Variants in HDAC4 observed in about 807,000 individuals in gnomAD.
The protein encoded by HDAC4 is histone deacetylase A.
Under a neutral mutation model 135.1 loss-of-function variants are expected in HDAC4, and 16 were observed. That is an observed-to-expected ratio of 0.12 (90% CI 0.08 to 0.18). HDAC4 has a LOEUF of 0.18. Among genes scored for constraint, HDAC4 ranks in the 10% least tolerant of loss-of-function variants. The probability of loss-of-function intolerance (pLI) is 1.00; values close to 1 mark genes in which losing one functional copy is unlikely to be tolerated. For synonymous variants in HDAC4, 685 were observed against 653.4 expected (o/e 1.05, Z -0.74); for missense variants, 1,143 against 1,511.8 (o/e 0.76, Z 4.05).
intron 3 of HDAC4, among the ~76,000 whole-genome samples, chr2:239,199,989 C>T (rs1379054866): frequency 6.6e-6 from 1 of 152,154 alleles, no homozygotes; most frequent in Non-Finnish European, 1.5e-5. Flanking sequence ...CCATCTGCCT[C>T]GGCCTCCCAA....
chr2:239,399,776 A>G (rs1355045672), intron 1 of HDAC4, among the ~76,000 whole-genome samples: 1 of 152,210 alleles, frequency 6.6e-6, no homozygotes, highest in Non-Finnish European at 1.5e-5. Context: ...CTCAGCAAGC[A>G]ATTAGGTAGG....
chr2:239,141,068 C>G lies in HDAC4; in HGVS notation c.866-1272G>C, dbSNP rs2041341887. 1 of 282,280 alleles carries G rather than the reference C, an allele frequency of 3.5e-6. No homozygotes were observed. The highest frequency in any genetic ancestry group is 3.0e-5 in the South Asian group (1 of 33,706). The allele number at this position is 282,280 out of a possible 1,614,324, so 17.5% of individuals were successfully genotyped here. A position where few individuals can be genotyped will look rare whatever the true frequency, so the allele number is the denominator to read the frequency against. ...CTGTTTGAGGAAGGTGCCATTATGA[C>G]CCCGTTTCCCAGAAGAGGAGATGGA... On this transcript the variant is annotated intron_variant, in intron 8 of 26. Coordinates refer to ENST00000543185, the MANE Select transcript of HDAC4 (RefSeq NM_001378414.1). The surrounding 1 kb of genome is among the most constrained non-coding windows in gnomAD (Gnocchi z 4.9).
chr2:239,182,026 A>G (rs1224947557), intron 4 of HDAC4, among the ~76,000 whole-genome samples: 1 of 152,194 alleles, frequency 6.6e-6, no homozygotes, highest in Non-Finnish European at 1.5e-5. Flanking sequence ...ACATGCAAGC[A>G]AAGTCCCTCT....
At chr2:239,156,903 C>G in intron 6 of HDAC4, 130 bp from the exon 7 acceptor site, 1 of 1,037,208 alleles carries the variant, frequency 9.6e-7, no homozygotes, top group African/African-American at 1.6e-5. Flanking sequence ...CACACCTTTT[C>G]CCTAGGGTCA....
intron 3 of HDAC4, 107 bp from the exon 4 acceptor site, chr2:239,190,184 G>GGGGGGGGC: frequency 2.1e-5 from 26 of 1,244,922 alleles, no homozygotes; most frequent in East Asian, 1.8e-4. Flanking sequence ...CGGGGGGGGG[G>GGGGGGGGC]TTGTGACCAT....
intron 1 of HDAC4, among the ~76,000 whole-genome samples, chr2:239,371,667 TCACA>T (rs1178338555): frequency 6.6e-6 from 1 of 151,798 alleles, no homozygotes; most frequent in Non-Finnish European, 1.5e-5. Flanking sequence ...ACGGACTCAC[TCACA>T]CACACACGTG....
intron 4 of HDAC4, among the ~76,000 whole-genome samples, chr2:239,187,896 C>T (rs1575343656): frequency 1.3e-5 from 2 of 152,300 alleles, no homozygotes; most frequent in East Asian, 1.9e-4. Context: ...AAGGCAAAAA[C>T]GATAAAGCAT....
intron 12 of HDAC4, among the ~76,000 whole-genome samples, chr2:239,126,140 T>C (rs3791447): frequency 6.6e-6 from 1 of 152,330 alleles, no homozygotes; most frequent in East Asian, 1.9e-4. Context: ...CGTGGTCCAG[T>C]GGAACTCACA....
At chr2:239,243,720 A>C (rs1479592668) in intron 2 of HDAC4, among the ~76,000 whole-genome samples, 1 of 152,170 alleles carries the variant, frequency 6.6e-6, no homozygotes, top group Non-Finnish European at 1.5e-5. Flanking sequence ...TTTATAGAAA[A>C]ATTAAAGCTA....
At chr2:239,060,910 C>T (rs2032597980) in intron 24 of HDAC4, among the ~76,000 whole-genome samples, 1 of 152,242 alleles carries the variant, frequency 6.6e-6, no homozygotes, top group African/African-American at 2.4e-5. Context: ...TCCCAACACC[C>T]AGGTAACAGG....
chr2:239,183,691 C>T (rs1349911715), intron 4 of HDAC4, among the ~76,000 whole-genome samples: 1 of 152,182 alleles, frequency 6.6e-6, no homozygotes, highest in Admixed American at 6.5e-5. Context: ...CTGCTCCAAA[C>T]CAAGAGTGTG....
At chr2:239,346,496 A>G (rs1447231751) in intron 2 of HDAC4, among the ~76,000 whole-genome samples, 3 of 151,006 alleles carry the variant, frequency 2.0e-5, no homozygotes, top group Non-Finnish European at 3.0e-5. Flanking sequence ...ACTTTAACAC[A>G]CAGTCTAAGA....
At chr2:239,256,541 AGAAGGTGTTG>A (rs2049062839) in intron 2 of HDAC4, among the ~76,000 whole-genome samples, 2 of 152,346 alleles carry the variant, frequency 1.3e-5, no homozygotes, top group African/African-American at 4.8e-5. Flanking sequence ...CCTCTTTCAT[AGAAGGTGTTG>A]GCCATCTAGA....
intron 22 of HDAC4, among the ~76,000 whole-genome samples, chr2:239,070,917 AGTCTC>A (rs2034122931): frequency 7.5e-6 from 1 of 133,226 alleles, no homozygotes; most frequent in African/African-American, 2.9e-5. Flanking sequence ...ATGTCAATGC[AGTCTC>A]TGTTGTTTTT....
intron 2 of HDAC4, among the ~76,000 whole-genome samples, chr2:239,297,101 T>C (rs550457501): frequency 6.1e-4 from 92 of 150,010 alleles, no homozygotes; most frequent in Non-Finnish European, 1.3e-3. Context: ...CATCCTTGGG[T>C]CAGGGGCACG....
chr2:239,292,936 T>G (rs750924367), intron 2 of HDAC4, among the ~76,000 whole-genome samples: 2 of 152,200 alleles, frequency 1.3e-5, no homozygotes, highest in Non-Finnish European at 2.9e-5. Context: ...CATTTCCGAT[T>G]TGAAGTTATC....
intron 2 of HDAC4, among the ~76,000 whole-genome samples, chr2:239,271,879 G>C (rs6745266): frequency 6.6e-6 from 1 of 152,040 alleles, no homozygotes; most frequent in Admixed American, 6.6e-5. Flanking sequence ...TGTTTCGAGT[G>C]GGGGAAAAGC....
intron 7 of HDAC4, among the ~76,000 whole-genome samples, chr2:239,151,481 G>A (rs911490643): frequency 3.3e-5 from 5 of 151,960 alleles, no homozygotes; most frequent in African/African-American, 7.3e-5. Flanking sequence ...ATGGGCAGCC[G>A]TGACCTTGAG....
intron 16 of HDAC4, among the ~76,000 whole-genome samples, chr2:239,096,682 G>T (rs2037120728): frequency 2.1e-5 from 1 of 48,592 alleles, no homozygotes; most frequent in African/African-American, 1.1e-4. Context: ...ATGGACGCCA[G>T]CACCCCCCAC....
Sources: gnomAD v4.1 joint callset for allele counts (sites outside exome capture counted in the v4.1 genomes callset) on GRCh38, gnomAD v4.1.1 for gene constraint, Gnocchi (gnomAD v3.1) non-coding constraint, MANE v1.5 for transcripts, NCBI Gene and HGNC (gene_info 2026-07-23, HGNC 2026-07-21) for gene names.